CPSF6: variants seen among roughly 807,000 people sequenced by gnomAD.
CPSF6 encodes cleavage and polyadenylation specific factor 6, also known as cleavage and polyadenylation specificity factor subunit 6.
Under a neutral mutation model 56.7 loss-of-function variants are expected in CPSF6, and 10 were observed. The observed-to-expected ratio is 0.18, with a 90% CI of 0.11 to 0.30. The LOEUF (loss-of-function observed/expected upper bound fraction) is 0.30, where lower values mean the gene tolerates loss of function less well. Among genes scored for constraint, CPSF6 ranks in the 10% least tolerant of loss-of-function variants. The probability of loss-of-function intolerance (pLI) is 1.00; values close to 1 mark genes in which losing one functional copy is unlikely to be tolerated. For synonymous variants in CPSF6, 248 were observed against 244.8 expected (o/e 1.01, Z -0.12); for missense variants, 419 against 722.9 (o/e 0.58, Z 4.82).
Position 69,258,183 on chromosome 12 carries a change from A to G in CPSF6, c.694+278A>G. The G allele has an allele frequency of 9.0e-7, 1 of 1,112,452 alleles. No individual in the cohort carries two copies. Among genetic ancestry groups the G allele is most frequent in the Non-Finnish European group, 1.3e-6 (1 of 775,252 alleles). The allele number at this position is 1,112,452 out of a possible 1,614,324, so 68.9% of individuals were successfully genotyped here. ...CTCCAAACTTGCTTGACTTATATAT[A>G]GAATATTTACATCCGTCTTACTTTC... On this transcript the variant is annotated intron_variant, in intron 5 of 9. Coordinates refer to ENST00000435070, the MANE Select transcript of CPSF6 (RefSeq NM_007007.3). This position sits in a 1 kb window ranked among gnomAD's most constrained non-coding sequence, Gnocchi z 4.2.
intron 8 of CPSF6, 123 bp from the exon 9 acceptor site, chr12:69,262,250 A>G: frequency 8.3e-7 from 1 of 1,208,124 alleles, no homozygotes; most frequent in Non-Finnish European, 1.1e-6. Flanking sequence ...AGCTCAGGAT[A>G]GTAAGTTTAA....
chr12:69,247,421 A>G (rs1341925146), intron 1 of CPSF6, among the ~76,000 whole-genome samples: 1 of 150,810 alleles, frequency 6.6e-6, no homozygotes, highest in East Asian at 2.0e-4. Flanking sequence ...TCCAAGCTTT[A>G]TGTAACATAG....
Position 69,249,159 on chromosome 12 carries a change from G to GA in CPSF6, c.61-1970_61-1969insA, listed in dbSNP as rs1592795766. On this transcript the variant is annotated intron_variant, in intron 1 of 9. Transcript: ENST00000435070. ...CCTGTAGTCCCAGCTACTCGGGGGG[G>GA]GGGGGGGGGGCTGAGGCAGGAGAAT... 4.3e-5 allele frequency among the ~76,000 whole-genome samples: 3 copies of GA among 69,448 alleles called. 1 individual carries two copies. Among genetic ancestry groups the GA allele is most frequent in the South Asian group, 1.4e-3 (1 of 718 alleles). The allele number at this position is 69,448 out of a possible 152,430, so 45.6% of individuals were successfully genotyped here.
intron 1 of CPSF6, 66 bp downstream of exon 1, chr12:69,239,772 GC>G: frequency 7.0e-7 from 1 of 1,437,070 alleles, no homozygotes; most frequent in Non-Finnish European, 9.2e-7. Flanking sequence ...CTGACCCGGG[GC>G]CCGCTGCGGC....
intron 1 of CPSF6, among the ~76,000 whole-genome samples, chr12:69,249,258 A>G (rs77502424): frequency 6.7e-6 from 1 of 148,950 alleles, no homozygotes; most frequent in Non-Finnish European, 1.5e-5. Flanking sequence ...GCGACAGAGC[A>G]AGACTCCGTC....
intron 9 of CPSF6, among the ~76,000 whole-genome samples, chr12:69,268,368 T>G (rs1873091848): frequency 6.6e-6 from 1 of 151,736 alleles, no homozygotes; most frequent in African/African-American, 2.4e-5. Flanking sequence ...AGTTTTAAAA[T>G]TTTAAGTTAT....
intron 1 of CPSF6, among the ~76,000 whole-genome samples, chr12:69,242,198 A>T: frequency 9.2e-6 from 1 of 108,824 alleles, no homozygotes; most frequent in Admixed American, 9.3e-5. Context: ...AGCTGTTGTA[A>T]ACATTAAAAA....
intron 9 of CPSF6, among the ~76,000 whole-genome samples, chr12:69,265,885 C>T (rs1308089858): frequency 2.0e-5 from 3 of 151,878 alleles, no homozygotes; most frequent in Admixed American, 1.3e-4. Flanking sequence ...TGATTACAGG[C>T]GTGAGCCACC....
chr12:69,272,646 C>G lies in CPSF6; in HGVS notation c.*3138C>G, dbSNP rs1448855307. On this transcript the variant is annotated 3_prime_UTR_variant, in exon 10 of 10. Coordinates refer to ENST00000435070, the MANE Select transcript of CPSF6 (RefSeq NM_007007.3). ...TTCAGCTTAAGAGGAAGTTTATGTTCTAATTCTTGACTGAGAATACAGTAT... is the reference window on the plus strand; with the variant it reads ...TTCAGCTTAAGAGGAAGTTTATGTTGTAATTCTTGACTGAGAATACAGTAT... 3 of 151,688 alleles carry G rather than the reference C, an allele frequency of 2.0e-5. No homozygotes were observed. The highest frequency in any genetic ancestry group is 2.0e-4 in the Admixed American group (3 of 15,240). 9.4% of individuals were successfully genotyped at this position (151,688 alleles called of 1,614,324 possible). A position where few individuals can be genotyped will look rare whatever the true frequency, so the allele number is the denominator to read the frequency against.
Position 69,259,101 on chromosome 12 carries a change from T to C in CPSF6, c.1199+7T>C. 1 of 1,595,548 alleles carries C rather than the reference T, an allele frequency of 6.3e-7. No individual in the cohort carries two copies. Among genetic ancestry groups the C allele is most frequent in the Non-Finnish European group, 8.5e-7 (1 of 1,176,948 alleles). ...ACTATGGCCCCCCTGGAAGGTAAGT[T>C]AGTGTGTATCTGTGAAAGTACTTGA... On this transcript the variant is annotated splice_region_variant and intron_variant, in intron 6 of 9. Coordinates refer to ENST00000435070, the MANE Select transcript of CPSF6 (RefSeq NM_007007.3).
At chr12:69,250,137 T>C (rs958394656) in intron 1 of CPSF6, among the ~76,000 whole-genome samples, 2 of 152,190 alleles carry the variant, frequency 1.3e-5, no homozygotes, top group Non-Finnish European at 2.9e-5. Flanking sequence ...CATACCCATA[T>C]TTCTTCTTTC....
At chr12:69,249,164 G>T (rs1281974415) in intron 1 of CPSF6, among the ~76,000 whole-genome samples, 1 of 87,712 alleles carries the variant, frequency 1.1e-5, no homozygotes, top group African/African-American at 4.5e-5. Context: ...GGGGGGGGGG[G>T]GGGGGCTGAG....
At chr12:69,241,105 CTT>C (rs1225244829) in intron 1 of CPSF6, among the ~76,000 whole-genome samples, 1 of 152,154 alleles carries the variant, frequency 6.6e-6, no homozygotes, top group African/African-American at 2.4e-5. Flanking sequence ...TCAGGAATGA[CTT>C]TGTGCCTCTG....
In CPSF6 at chr12:69,262,369, G is replaced by T; in HGVS notation, c.1470-4G>T. ...AGCATTAATCCAGTAATTTCTTTTAGAAGACGTGAACGATCAAGAGAGAGG... is the reference window on the plus strand; with the variant it reads ...AGCATTAATCCAGTAATTTCTTTTATAAGACGTGAACGATCAAGAGAGAGG... On this transcript the variant is annotated splice_region_variant and splice_polypyrimidine_tract_variant and intron_variant, in intron 8 of 9. Coordinates refer to ENST00000435070, the MANE Select transcript of CPSF6 (RefSeq NM_007007.3). 1 of 1,566,214 alleles carries T rather than the reference G, an allele frequency of 6.4e-7. No homozygotes were observed. Among genetic ancestry groups the T allele is most frequent in the Non-Finnish European group, 8.7e-7 (1 of 1,151,446 alleles).
intron 1 of CPSF6, among the ~76,000 whole-genome samples, chr12:69,245,389 A>AT (rs1305773544): frequency 1.3e-5 from 2 of 152,220 alleles, no homozygotes; most frequent in Admixed American, 6.5e-5. Context: ...TTTATTAGTT[A>AT]TTTTTTACAG....
chr12:69,247,007 C>T (rs1461609928), intron 1 of CPSF6, among the ~76,000 whole-genome samples: 2 of 152,096 alleles, frequency 1.3e-5, no homozygotes, highest in African/African-American at 2.4e-5. Flanking sequence ...AAAAAAATAT[C>T]AGGCCTGTCA....
chr12:69,250,977 A>T, intron 1 of CPSF6, 152 bp from the exon 2 acceptor site: 1 of 743,766 alleles, frequency 1.3e-6, no homozygotes, highest in Non-Finnish European at 2.1e-6. Flanking sequence ...GTTCAAGAAT[A>T]CATCTATTGC....
At chr12:69,241,597 C>G (rs1275801673) in intron 1 of CPSF6, among the ~76,000 whole-genome samples, 1 of 152,166 alleles carries the variant, frequency 6.6e-6, no homozygotes, top group East Asian at 1.9e-4. Context: ...AGGGACATCT[C>G]CCTTATCCGG....
chr12:69,273,274 T>G lies in CPSF6; in HGVS notation c.*3766T>G, dbSNP rs938157286. On this transcript the variant is annotated 3_prime_UTR_variant, in exon 10 of 10. Coordinates refer to ENST00000435070, the MANE Select transcript of CPSF6 (RefSeq NM_007007.3). ...GATTTAGGTTTGTCTTAACCAATGT[T>G]CTTTTTTTAGAATTTCAGGTTGTGG... 2 of 401,582 alleles carry G rather than the reference T, an allele frequency of 5.0e-6. No homozygotes were observed. The highest frequency in any genetic ancestry group is 1.0e-5 in the Non-Finnish European group (2 of 197,292). 24.9% of individuals were successfully genotyped at this position (401,582 alleles called of 1,614,324 possible).
Sources: gnomAD v4.1 joint callset for allele counts (sites outside exome capture counted in the v4.1 genomes callset) on GRCh38, gnomAD v4.1.1 for gene constraint, Gnocchi (gnomAD v3.1) non-coding constraint, MANE v1.5 for transcripts, NCBI Gene and HGNC (gene_info 2026-07-23, HGNC 2026-07-21) for gene names.